The following PLEKHA5 variants were observed in gnomAD, a reference collection of about 807,000 sequenced individuals.
The protein encoded by PLEKHA5 is pleckstrin homology domain containing A5, also known as pleckstrin homology domain-containing family A member 5.
Under a neutral mutation model 181.9 loss-of-function variants are expected in PLEKHA5, and 55 were observed. The observed-to-expected ratio is 0.30, with a 90% CI of 0.24 to 0.38. The LOEUF is 0.38. Ranked by LOEUF, PLEKHA5 falls within the 10% of genes least tolerant of loss-of-function variation. The pLI is 1.00. For synonymous variants in PLEKHA5, 535 were observed against 529.4 expected, an observed-to-expected ratio of 1.01 and a Z score of -0.15; for missense variants, 1,432 against 1,549.5, an observed-to-expected ratio of 0.92 and a Z score of 1.27.
intron 15 of PLEKHA5, among the ~76,000 whole-genome samples, chr12:19,305,890 A>G (rs182812152): frequency 8.5e-4 from 120 of 140,750 alleles, no homozygotes; most frequent in Non-Finnish European, 1.4e-3. Context: ...AAAAACAACT[A>G]TGAAGACTGG....
intron 15 of PLEKHA5, chr12:19,307,111 C>A: frequency 1.0e-6 from 1 of 970,434 alleles, no homozygotes; most frequent in Non-Finnish European, 1.6e-6. Flanking sequence ...CACTGTTGGT[C>A]CCAAGTTGAA....
At chr12:19,153,913 C>T (rs2041066147) in intron 3 of PLEKHA5, 1 of 152,122 alleles carries the variant, frequency 6.6e-6, no homozygotes. Flanking sequence ...CTTTTTTGTA[C>T]TCTGGAAGAG....
chr12:19,206,325 A>T (rs755109826), intron 3 of PLEKHA5, among the ~76,000 whole-genome samples: 2 of 152,102 alleles, frequency 1.3e-5, no homozygotes, highest in Admixed American at 6.5e-5. Context: ...TATTTTCATG[A>T]TGAACACAAT....
At chr12:19,365,305 G>A (rs1368124555) in intron 29 of PLEKHA5, among the ~76,000 whole-genome samples, 3 of 151,152 alleles carry the variant, frequency 2.0e-5, no homozygotes, top group African/African-American at 7.3e-5. Context: ...AGGTGAGCTT[G>A]CAGTGAGCCT....
At chr12:19,256,888 C>T (rs563165841) in intron 5 of PLEKHA5, among the ~76,000 whole-genome samples, 1 of 152,228 alleles carries the variant, frequency 6.6e-6, no homozygotes, top group South Asian at 2.1e-4. Flanking sequence ...AGTTTAAGTT[C>T]AGAGTTGTCC....
chr12:19,176,925 A>G (rs4603359), intron 3 of PLEKHA5, among the ~76,000 whole-genome samples: 135,074 of 151,962 alleles, frequency 0.89, 60,861 homozygotes, highest in Non-Finnish European at 0.97. Context: ...GTGGAGTGGC[A>G]CGATCTTGGC....
chr12:19,295,164 A>G (rs371933152), intron 15 of PLEKHA5, among the ~76,000 whole-genome samples: 1 of 152,206 alleles, frequency 6.6e-6, no homozygotes, highest in South Asian at 2.1e-4. Context: ...TACCTCATCC[A>G]TGCTCTATGT....
chr12:19,278,292 G>C (rs969002366), intron 11 of PLEKHA5, among the ~76,000 whole-genome samples: 1 of 152,000 alleles, frequency 6.6e-6, no homozygotes, highest in Non-Finnish European at 1.5e-5. Context: ...TTCAATATAC[G>C]TCTCTACAAC....
chr12:19,202,001 C>T lies in PLEKHA5; in HGVS notation c.228-51939C>T, dbSNP rs1209185624. On this transcript the variant is annotated intron_variant, in intron 3 of 31. Transcript: ENST00000429027. ...AAACTAAATAAAAGCTGAGTTAGTA[C>T]CACTTGCCTTGGGTTCATTACTTTT... The T allele has an allele frequency of 4.1e-6, 4 of 966,942 alleles. No individual in the cohort carries two copies. The African/African-American group carries it at 7.0e-5, about 17-fold the overall frequency. 59.9% of individuals were successfully genotyped at this position (966,942 alleles called of 1,614,324 possible).
chr12:19,161,600 A>G (rs1343005558), intron 3 of PLEKHA5, among the ~76,000 whole-genome samples: 1 of 152,072 alleles, frequency 6.6e-6, no homozygotes, highest in Non-Finnish European at 1.5e-5. Flanking sequence ...TGTGCAGCCA[A>G]CCAAGGGTGC....
intron 3 of PLEKHA5, among the ~76,000 whole-genome samples, chr12:19,172,541 A>G (rs1165617307): frequency 6.6e-6 from 1 of 152,244 alleles, no homozygotes; most frequent in African/African-American, 2.4e-5. Context: ...GCGCAACATC[A>G]GTAGTCATTA....
chr12:19,139,448 A>T lies in PLEKHA5; in HGVS notation c.227+6998A>T, dbSNP rs1242497587. ...CTCCCCTATCCTATCTCAGCTACCTAAATGACTATCTAGCTATTTATAGAT... is the reference window on the plus strand; with the variant it reads ...CTCCCCTATCCTATCTCAGCTACCTTAATGACTATCTAGCTATTTATAGAT... On this transcript the variant is annotated intron_variant, in intron 3 of 31. Coordinates refer to ENST00000429027, the MANE Select transcript of PLEKHA5 (RefSeq NM_001256470.2). 3.9e-5 allele frequency among the ~76,000 whole-genome samples: 6 copies of T among 152,318 alleles called. No individual in the cohort carries two copies. The East Asian group carries it at 1.2e-3, about 29-fold the overall frequency.
intron 11 of PLEKHA5, among the ~76,000 whole-genome samples, chr12:19,276,978 T>G (rs142970287): frequency 2.2e-4 from 34 of 152,286 alleles, no homozygotes; most frequent in South Asian, 1.2e-3. Flanking sequence ...TAGGCATTAT[T>G]TTTCACTTAC....
chr12:19,244,370 A>G (rs1380856415), intron 3 of PLEKHA5, among the ~76,000 whole-genome samples: 1 of 152,234 alleles, frequency 6.6e-6, no homozygotes, highest in African/African-American at 2.4e-5. Context: ...TTAAAAGCAC[A>G]CATCTGAGCT....
At chr12:19,183,775 G>T (rs369971565) in intron 3 of PLEKHA5, among the ~76,000 whole-genome samples, 1 of 152,066 alleles carries the variant, frequency 6.6e-6, no homozygotes, top group South Asian at 2.1e-4. Context: ...GCACAGTGGC[G>T]TGATCTTGGC....
At position 19,376,159 on chromosome 12, in the gene PLEKHA5, A is replaced by T. The variant is rs2095702708; in HGVS notation, c.*640A>T. On this transcript the variant is annotated 3_prime_UTR_variant, in exon 32 of 32. Transcript: ENST00000429027. ...TGCTTATCTTTTCTTAAAAAAAAAA[A>T]AAACAAAGTGTAGGTATTTTGAAGT... 2 of 152,470 alleles carry T rather than the reference A, an allele frequency of 1.3e-5. No individual in the cohort carries two copies. Among genetic ancestry groups the T allele is most frequent in the South Asian group, 2.1e-4 (1 of 4,824 alleles). The allele number at this position is 152,470 out of a possible 1,614,324, so 9.4% of individuals were successfully genotyped here. A position where few individuals can be genotyped will look rare whatever the true frequency, so the allele number is the denominator to read the frequency against.
intron 3 of PLEKHA5, among the ~76,000 whole-genome samples, chr12:19,195,455 G>T (rs2052432198): frequency 6.6e-6 from 1 of 151,986 alleles, no homozygotes; most frequent in Admixed American, 6.5e-5. Context: ...GATCACTTGA[G>T]TCCAGAGTTC....
At chr12:19,161,346 A>G (rs2042921926) in intron 3 of PLEKHA5, among the ~76,000 whole-genome samples, 2 of 152,096 alleles carry the variant, frequency 1.3e-5, no homozygotes, top group Non-Finnish European at 2.9e-5. Context: ...CACTGGAAAA[A>G]CACTTCAGTG....
At chr12:19,337,468 G>A (rs145950013) in intron 21 of PLEKHA5, among the ~76,000 whole-genome samples, 13,747 of 145,590 alleles carry the variant, frequency 0.094, 886 homozygotes, top group Admixed American at 0.18. Flanking sequence ...AGAATCACTT[G>A]AACCCACGAG....
Sources: gnomAD v4.1 joint callset for allele counts (sites outside exome capture counted in the v4.1 genomes callset) on GRCh38, gnomAD v4.1.1 for gene constraint, MANE v1.5 for transcripts, NCBI Gene and HGNC (gene_info 2026-07-23, HGNC 2026-07-21) for gene names.